Variants in CDH13 observed in about 807,000 individuals in gnomAD.
CDH13 encodes the protein cadherin-13.
A neutral mutation model predicts 63.8 loss-of-function variants in CDH13; 24 were observed. That is an observed-to-expected ratio of 0.38 (90% CI 0.27 to 0.53). The LOEUF (loss-of-function observed/expected upper bound fraction) is 0.53, where lower values mean the gene tolerates loss of function less well. Among genes scored for constraint, CDH13 ranks in the 20% least tolerant of loss-of-function variants. CDH13 has a pLI of 0.85. For synonymous variants in CDH13, 503 were observed against 355.3 expected (o/e 1.42, Z -4.67); for missense variants, 1,049 against 903.1 (o/e 1.16, Z -2.07).
chr16:83,693,730 C>G (rs1905111646), intron 10 of CDH13, among the ~76,000 whole-genome samples: 1 of 152,076 alleles, frequency 6.6e-6, no homozygotes, highest in African/African-American at 2.4e-5. Flanking sequence ...TGGAGGTAGG[C>G]TTGATTTTGC....
intron 2 of CDH13, among the ~76,000 whole-genome samples, chr16:83,025,578 G>A (rs959256832): frequency 1.3e-5 from 2 of 152,098 alleles, no homozygotes; most frequent in Non-Finnish European, 2.9e-5. Flanking sequence ...CATGACACAC[G>A]GGAGTTATAG....
intron 6 of CDH13, among the ~76,000 whole-genome samples, chr16:83,345,475 T>A (rs1227767736): frequency 6.6e-6 from 1 of 152,222 alleles, no homozygotes; most frequent in Non-Finnish European, 1.5e-5. Flanking sequence ...TGAAGAAATC[T>A]TTTGTCTTCA....
intron 2 of CDH13, among the ~76,000 whole-genome samples, chr16:82,950,840 A>G (rs6565092): frequency 1 from 148,105 of 148,106 alleles, 74,052 homozygotes; most frequent in Non-Finnish European, 1. Flanking sequence ...GTGGTTGGCG[A>G]GGACAGTGAA....
At chr16:82,970,827 A>T (rs1908631123) in intron 2 of CDH13, among the ~76,000 whole-genome samples, 1 of 152,196 alleles carries the variant, frequency 6.6e-6, no homozygotes, top group African/African-American at 2.4e-5. Context: ...TAATGACTAT[A>T]ATGACTTGTT....
At chr16:83,742,103 C>T (rs1734978254) in intron 10 of CDH13, among the ~76,000 whole-genome samples, 1 of 152,246 alleles carries the variant, frequency 6.6e-6, no homozygotes, top group African/African-American at 2.4e-5. Flanking sequence ...TCTCTTTCAC[C>T]TTCCCACCAA....
intron 3 of CDH13, among the ~76,000 whole-genome samples, chr16:83,049,442 C>T (rs533376833): frequency 6.7e-6 from 1 of 148,424 alleles, no homozygotes; most frequent in South Asian, 2.2e-4. Context: ...TCAGGCCATT[C>T]TCCTGCCTCA....
chr16:83,255,884 A>G (rs1906198384), intron 5 of CDH13, among the ~76,000 whole-genome samples: 1 of 152,258 alleles, frequency 6.6e-6, no homozygotes, highest in East Asian at 1.9e-4. Flanking sequence ...AATGTCAGTA[A>G]AATACCTAGC....
intron 7 of CDH13, among the ~76,000 whole-genome samples, chr16:83,542,822 C>T (rs546500603): frequency 6.6e-6 from 1 of 152,338 alleles, no homozygotes; most frequent in South Asian, 2.1e-4. Flanking sequence ...TTTATAAGAA[C>T]ACCAATCATA....
At chr16:83,655,164 C>G (rs1428198720) in intron 8 of CDH13, 1 of 152,254 alleles carries the variant, frequency 6.6e-6, no homozygotes, top group Non-Finnish European at 1.5e-5. Flanking sequence ...GTTGGCAAAT[C>G]TCTCACCTTG....
At chr16:82,800,566 C>T (rs894933071) in intron 1 of CDH13, among the ~76,000 whole-genome samples, 1 of 152,184 alleles carries the variant, frequency 6.6e-6, no homozygotes, top group Non-Finnish European at 1.5e-5. Flanking sequence ...ACAAAGGGCT[C>T]ATAACCCATA....
intron 3 of CDH13, among the ~76,000 whole-genome samples, chr16:83,051,297 G>C (rs903916653): frequency 6.6e-6 from 1 of 152,140 alleles, no homozygotes. Context: ...ACTGAAAATG[G>C]TATGTTTCCT....
chr16:83,505,710 A>T (rs921010035), intron 7 of CDH13, among the ~76,000 whole-genome samples: 1 of 151,724 alleles, frequency 6.6e-6, no homozygotes, highest in African/African-American at 2.4e-5. Flanking sequence ...CGCCCGGCTA[A>T]TTTTTTATTT....
chr16:83,284,616 G>A (rs1007692555), intron 5 of CDH13, among the ~76,000 whole-genome samples: 1 of 151,972 alleles, frequency 6.6e-6, no homozygotes, highest in Admixed American at 6.6e-5. Context: ...AACTTCTCTG[G>A]TCAACTCAGT....
chr16:82,683,130 C>T (rs897624973), intron 1 of CDH13, among the ~76,000 whole-genome samples: 1 of 152,182 alleles, frequency 6.6e-6, no homozygotes. Flanking sequence ...TGAAACAATG[C>T]TCTGCAGGAA....
At chr16:82,874,303 T>C (rs375612780) in intron 2 of CDH13, among the ~76,000 whole-genome samples, 60 of 152,240 alleles carry the variant, frequency 3.9e-4, no homozygotes, top group African/African-American at 1.2e-3. Flanking sequence ...CCGTGAAAAG[T>C]TGCAAACCTT....
chr16:83,418,017 C>A (rs1000543841), intron 6 of CDH13, among the ~76,000 whole-genome samples: 7 of 152,084 alleles, frequency 4.6e-5, no homozygotes, highest in Admixed American at 4.6e-4. Flanking sequence ...CTGTTGAAGC[C>A]CTTTGTCAAC....
intron 5 of CDH13, among the ~76,000 whole-genome samples, chr16:83,327,409 A>G (rs1597756034): frequency 6.6e-6 from 1 of 152,162 alleles, no homozygotes; most frequent in East Asian, 1.9e-4. Context: ...GACAAGCGTC[A>G]TTTCTTTTTG....
chr16:82,926,477 G>C (rs1200270503), intron 2 of CDH13, among the ~76,000 whole-genome samples: 3 of 152,206 alleles, frequency 2.0e-5, no homozygotes, highest in Non-Finnish European at 4.4e-5. Context: ...AGATTGCTAA[G>C]TTCTGCATGA....
intron 2 of CDH13, among the ~76,000 whole-genome samples, chr16:83,010,571 C>G (rs913371374): frequency 6.6e-6 from 1 of 152,122 alleles, no homozygotes; most frequent in Non-Finnish European, 1.5e-5. Flanking sequence ...TGCCCTTTTT[C>G]TTTCCTTTCC....
Sources: gnomAD v4.1 joint callset for allele counts (sites outside exome capture counted in the v4.1 genomes callset) on GRCh38, gnomAD v4.1.1 for gene constraint, MANE v1.5 for transcripts, NCBI Gene and HGNC (gene_info 2026-07-23, HGNC 2026-07-21) for gene names.